MEI4: variants seen among roughly 807,000 people sequenced by gnomAD.
The protein encoded by MEI4 is meiosis-specific protein MEI4.
In MEI4, 27 loss-of-function variants were observed where a neutral mutation model predicts 31.4. That is an observed-to-expected ratio of 0.86 (90% CI 0.63 to 1.19). The LOEUF is 1.19. Among genes scored for constraint, MEI4 ranks in the 50% most tolerant of loss-of-function variants. The probability of loss-of-function intolerance (pLI) is 0.00; values close to 1 mark genes in which losing one functional copy is unlikely to be tolerated. For missense variants in MEI4, 329 were observed against 398.9 expected, an observed-to-expected ratio of 0.82 and a Z score of 1.49; for synonymous variants, 122 against 145.4, an observed-to-expected ratio of 0.84 and a Z score of 1.16.
Position 77,821,144 on chromosome 6 carries a change from T to C in MEI4, c.769-7787T>C, listed in dbSNP as rs188997827. Among the ~76,000 whole-genome samples, 102 of 152,216 alleles carry C rather than the reference T, an allele frequency of 6.7e-4. No homozygotes were observed. The South Asian group carries it at 0.012, about 17-fold the overall frequency. On this transcript the variant is annotated intron_variant, in intron 3 of 4. Coordinates refer to ENST00000684080, the MANE Select transcript of MEI4 (RefSeq NM_001322247.2). ...TTTAATGTTTTTCTTTCTTTTTTGG[T>C]ATTTTTATTTTTCTCAAAGACTTCC...
chr6:77,801,056 C>T (rs1369641097), intron 3 of MEI4, among the ~76,000 whole-genome samples: 1 of 152,152 alleles, frequency 6.6e-6, no homozygotes, highest in Non-Finnish European at 1.5e-5. Context: ...GGAATAATTT[C>T]AGAAGGAATG....
At chr6:77,818,269 T>G (rs1769735529) in intron 3 of MEI4, among the ~76,000 whole-genome samples, 1 of 152,198 alleles carries the variant, frequency 6.6e-6, no homozygotes, top group Non-Finnish European at 1.5e-5. Flanking sequence ...TTAGATTATA[T>G]CTGAAAAGTA....
Position 77,820,141 on chromosome 6 carries a change from A to G in MEI4, c.769-8790A>G, listed in dbSNP as rs757376165. Among the ~76,000 whole-genome samples, 3 of 152,224 alleles carry G rather than the reference A, an allele frequency of 2.0e-5. No homozygotes were observed. Among genetic ancestry groups the G allele is most frequent in the Non-Finnish European group, 4.4e-5 (3 of 68,050 alleles). ...GTTTTGATAGAAACGAAACTGAAAT[A>G]TAAAAGTAAGTATTTTAAAACTTTA... On this transcript the variant is annotated intron_variant, in intron 3 of 4. Coordinates refer to ENST00000684080, the MANE Select transcript of MEI4 (RefSeq NM_001322247.2). This position sits in a 1 kb window ranked among gnomAD's most constrained non-coding sequence, Gnocchi z 4.5.
intron 3 of MEI4, among the ~76,000 whole-genome samples, chr6:77,788,389 G>A (rs1003807865): frequency 4.6e-5 from 7 of 152,140 alleles, no homozygotes; most frequent in Non-Finnish European, 1.0e-4. Flanking sequence ...CATAGTGTTG[G>A]AAGTTCTGGC....
chr6:77,850,419 T>C (rs1294463647), intron 4 of MEI4, among the ~76,000 whole-genome samples: 1 of 152,152 alleles, frequency 6.6e-6, no homozygotes, highest in African/African-American at 2.4e-5. Context: ...AACAGCATGG[T>C]ACTGGTACCA....
At chr6:77,808,971 A>T (rs970880298) in intron 3 of MEI4, among the ~76,000 whole-genome samples, 4 of 152,220 alleles carry the variant, frequency 2.6e-5, no homozygotes, top group Non-Finnish European at 5.9e-5. Context: ...GGCTCTCTGC[A>T]AATGAGGCAA....
intron 4 of MEI4, among the ~76,000 whole-genome samples, chr6:77,862,969 T>TGGAG (rs1246042947): frequency 1.3e-5 from 2 of 152,210 alleles, no homozygotes; most frequent in Non-Finnish European, 1.5e-5. Flanking sequence ...AAACAGGGTC[T>TGGAG]GGAGTGGACC....
chr6:77,842,423 A>G (rs890056055), intron 4 of MEI4, among the ~76,000 whole-genome samples: 3 of 151,622 alleles, frequency 2.0e-5, no homozygotes, highest in African/African-American at 7.3e-5. Context: ...TGAGAAATAT[A>G]TGGATTTATG....
At chr6:77,917,376 C>G in intron 4 of MEI4, among the ~76,000 whole-genome samples, 1 of 150,990 alleles carries the variant, frequency 6.6e-6, no homozygotes, top group Non-Finnish European at 1.5e-5. Context: ...TACTAGTTTA[C>G]AGTCCCACCA....
chr6:77,666,755 T>TA (rs58115249), intron 1 of MEI4, among the ~76,000 whole-genome samples: 6,558 of 152,240 alleles, frequency 0.043, 476 homozygotes, highest in African/African-American at 0.15. Context: ...AATTGATTGA[T>TA]ATGCAGTATT....
intron 4 of MEI4, among the ~76,000 whole-genome samples, chr6:77,905,456 A>AGATT (rs1766272530): frequency 7.2e-6 from 1 of 138,592 alleles, no homozygotes; most frequent in Non-Finnish European, 1.6e-5. Context: ...ATCTTTCTAT[A>AGATT]GATTGTATAA....
intron 3 of MEI4, among the ~76,000 whole-genome samples, chr6:77,821,417 T>C (rs1313867622): frequency 1.3e-5 from 2 of 152,168 alleles, no homozygotes; most frequent in Non-Finnish European, 2.9e-5. Flanking sequence ...AAAAAAAAAG[T>C]AGCTTCATCT....
intron 2 of MEI4, among the ~76,000 whole-genome samples, chr6:77,729,234 C>G (rs1383585038): frequency 6.6e-6 from 1 of 152,152 alleles, no homozygotes; most frequent in Non-Finnish European, 1.5e-5. Flanking sequence ...TACATTAACC[C>G]ATTTATGCCT....
At chr6:77,786,604 G>T (rs1421623069) in intron 3 of MEI4, among the ~76,000 whole-genome samples, 4 of 152,078 alleles carry the variant, frequency 2.6e-5, no homozygotes, top group African/African-American at 4.8e-5. Flanking sequence ...AGGCTTAGAA[G>T]GGGAGAAGTA....
intron 3 of MEI4, among the ~76,000 whole-genome samples, chr6:77,797,755 T>A (rs1769119986): frequency 6.6e-6 from 1 of 152,130 alleles, no homozygotes; most frequent in African/African-American, 2.4e-5. Flanking sequence ...CCTGCTTTGT[T>A]CTAGCCACAC....
intron 4 of MEI4, among the ~76,000 whole-genome samples, chr6:77,886,436 T>TTTTG (rs141610716): frequency 0.81 from 121,432 of 150,066 alleles, 49,266 homozygotes; most frequent in East Asian, 0.95. Context: ...TCCAGTTTTG[T>TTTTG]TTTTTTTTTT....
intron 3 of MEI4, among the ~76,000 whole-genome samples, chr6:77,822,946 T>C (rs1467957089): frequency 6.6e-6 from 1 of 152,036 alleles, no homozygotes; most frequent in African/African-American, 2.4e-5. Context: ...GCAAAAATAA[T>C]GTTATTTTAT....
At chr6:77,653,541 A>G (rs893261493) in intron 1 of MEI4, among the ~76,000 whole-genome samples, 4 of 152,224 alleles carry the variant, frequency 2.6e-5, no homozygotes, top group African/African-American at 9.6e-5. Context: ...GCATTTATAT[A>G]GCACCTGAGT....
intron 2 of MEI4, among the ~76,000 whole-genome samples, chr6:77,743,629 C>G (rs576099452): frequency 6.6e-6 from 1 of 152,182 alleles, no homozygotes; most frequent in Admixed American, 6.5e-5. Context: ...TCTCCCAGCA[C>G]GCAGCTGGAG....
Sources: gnomAD v4.1 joint callset for allele counts (sites outside exome capture counted in the v4.1 genomes callset) on GRCh38, gnomAD v4.1.1 for gene constraint, Gnocchi (gnomAD v3.1) non-coding constraint, MANE v1.5 for transcripts, NCBI Gene and HGNC (gene_info 2026-07-23, HGNC 2026-07-21) for gene names.